CTNNBL1: variants seen among roughly 807,000 people sequenced by gnomAD.
CTNNBL1 encodes catenin beta like 1, also known as beta-catenin-like protein 1.
Under a neutral mutation model 72.7 loss-of-function variants are expected in CTNNBL1, and 31 were observed. That is an observed-to-expected ratio of 0.43 (90% CI 0.32 to 0.58). The LOEUF is 0.58. Ranked by LOEUF, CTNNBL1 falls within the 20% of genes least tolerant of loss-of-function variation. CTNNBL1 has a pLI of 0.08. For missense variants in CTNNBL1, 534 were observed against 725.1 expected, an observed-to-expected ratio of 0.74 and a Z score of 3.03; for synonymous variants, 240 against 267.3, an observed-to-expected ratio of 0.90 and a Z score of 1.00.
intron 7 of CTNNBL1, among the ~76,000 whole-genome samples, chr20:37,770,212 A>G (rs977397421): frequency 5.3e-5 from 8 of 152,222 alleles, no homozygotes; most frequent in Admixed American, 5.2e-4. Context: ...TGGTTTTAGA[A>G]CTAGACTTGT....
chr20:37,840,970 C>T (rs114117690), intron 12 of CTNNBL1, among the ~76,000 whole-genome samples: 1,971 of 152,270 alleles, frequency 0.013, 45 homozygotes, highest in African/African-American at 0.045. Context: ...GCTGGGAACA[C>T]AGTGACATGA....
intron 10 of CTNNBL1, among the ~76,000 whole-genome samples, chr20:37,795,660 G>T (rs2122722138): frequency 6.6e-6 from 1 of 152,244 alleles, no homozygotes; most frequent in Non-Finnish European, 1.5e-5. Context: ...TAGCTGCTCA[G>T]TTTGGTCTTT....
At chr20:37,825,209 CG>C (rs2122778684) in intron 11 of CTNNBL1, among the ~76,000 whole-genome samples, 1 of 150,266 alleles carries the variant, frequency 6.7e-6, no homozygotes, top group Non-Finnish European at 1.5e-5. Flanking sequence ...AAAAATTAGT[CG>C]GGCATGGTGG....
At chr20:37,788,392 C>T (rs1600488451) in intron 10 of CTNNBL1, among the ~76,000 whole-genome samples, 1 of 152,188 alleles carries the variant, frequency 6.6e-6, no homozygotes, top group Non-Finnish European at 1.5e-5. Flanking sequence ...CATTGGCCCA[C>T]GGAATTTTTG....
chr20:37,840,542 G>A (rs1041975145), intron 12 of CTNNBL1, among the ~76,000 whole-genome samples: 1 of 152,184 alleles, frequency 6.6e-6, no homozygotes, highest in Admixed American at 6.5e-5. Flanking sequence ...CTTGAGATTT[G>A]AACCTGTTTT....
chr20:37,770,507 A>T (rs1004076173), intron 7 of CTNNBL1, among the ~76,000 whole-genome samples: 2 of 151,722 alleles, frequency 1.3e-5, no homozygotes, highest in Non-Finnish European at 2.9e-5. Context: ...TTGAGACTTA[A>T]TACTGATTCA....
At chr20:37,773,909 CT>C (rs1176688817) in intron 7 of CTNNBL1, among the ~76,000 whole-genome samples, 1,125 of 104,658 alleles carry the variant, frequency 0.011, 3 homozygotes, top group Non-Finnish European at 0.016. Flanking sequence ...TTCTTTCTCT[CT>C]TTTTTTTTTT....
intron 10 of CTNNBL1, among the ~76,000 whole-genome samples, chr20:37,790,624 G>A (rs1441622392): frequency 6.6e-6 from 1 of 152,118 alleles, no homozygotes; most frequent in Non-Finnish European, 1.5e-5. Context: ...CCTTCCAACA[G>A]TCCTCCAGGC....
chr20:37,833,944 G>A (rs150329107), intron 11 of CTNNBL1, among the ~76,000 whole-genome samples: 6 of 152,282 alleles, frequency 3.9e-5, no homozygotes, highest in African/African-American at 1.4e-4. Context: ...TATCTGGCCG[G>A]CACCAGTAGC....
At chr20:37,733,903 T>G (rs1435700657) in intron 2 of CTNNBL1, among the ~76,000 whole-genome samples, 1 of 152,192 alleles carries the variant, frequency 6.6e-6, no homozygotes, top group Non-Finnish European at 1.5e-5. Context: ...ACCTAGCTCT[T>G]GGTAGGCCCT....
At chr20:37,734,112 C>T (rs1280714167) in intron 2 of CTNNBL1, among the ~76,000 whole-genome samples, 1 of 152,062 alleles carries the variant, frequency 6.6e-6, no homozygotes, top group African/African-American at 2.4e-5. Flanking sequence ...TTTTTTGGTT[C>T]TCTCAAAGAC....
At chr20:37,858,720 T>TTTTTTG (rs941630225) in intron 13 of CTNNBL1, among the ~76,000 whole-genome samples, 12 of 152,042 alleles carry the variant, frequency 7.9e-5, no homozygotes, top group Non-Finnish European at 1.5e-4. Context: ...TAAAGCTGGG[T>TTTTTTG]TTTTTGTTTT....
intron 3 of CTNNBL1, among the ~76,000 whole-genome samples, chr20:37,742,537 T>C (rs577510666): frequency 6.6e-6 from 1 of 152,324 alleles, no homozygotes; most frequent in Admixed American, 6.5e-5. Context: ...CTTGACTTTT[T>C]GGTTCATTGC....
At chr20:37,781,432 A>G (rs1009243484) in intron 10 of CTNNBL1, among the ~76,000 whole-genome samples, 1 of 152,184 alleles carries the variant, frequency 6.6e-6, no homozygotes, top group Non-Finnish European at 1.5e-5. Flanking sequence ...GGATTATTCA[A>G]ACAGGAATGC....
chr20:37,762,375 C>T (rs1044814070), intron 5 of CTNNBL1, among the ~76,000 whole-genome samples: 3 of 152,096 alleles, frequency 2.0e-5, no homozygotes, highest in Admixed American at 6.5e-5. Context: ...TCCTTCAAAC[C>T]CTCTCATCTG....
intron 7 of CTNNBL1, among the ~76,000 whole-genome samples, chr20:37,768,406 T>A (rs1318607568): frequency 1.3e-5 from 2 of 152,338 alleles, no homozygotes; most frequent in East Asian, 3.9e-4. Context: ...GAGTGTGTGT[T>A]TCACAAACAG....
At chr20:37,862,213 C>T (rs1174967294) in intron 15 of CTNNBL1, among the ~76,000 whole-genome samples, 1 of 152,124 alleles carries the variant, frequency 6.6e-6, no homozygotes. Context: ...TGCTCAGAGC[C>T]TCATTTTGCC....
chr20:37,772,515 A>AT (rs1167887778), intron 7 of CTNNBL1, among the ~76,000 whole-genome samples: 1 of 152,096 alleles, frequency 6.6e-6, no homozygotes, highest in Non-Finnish European at 1.5e-5. Flanking sequence ...CATCCGGCTA[A>AT]TTTTTTGTAT....
chr20:37,849,353 G>C (rs566740997), intron 13 of CTNNBL1, among the ~76,000 whole-genome samples: 1 of 152,126 alleles, frequency 6.6e-6, no homozygotes, highest in African/African-American at 2.4e-5. Context: ...CTCCTGCGCC[G>C]GCCTCATGGT....
Sources: allele counts gnomAD v4.1 joint callset (sites outside exome capture counted in the v4.1 genomes callset), GRCh38; gene constraint gnomAD v4.1.1; transcripts MANE v1.5; gene names NCBI Gene and HGNC (gene_info 2026-07-23, HGNC 2026-07-21).